Variants in SUPT3H observed in about 807,000 individuals in gnomAD.
The protein encoded by SUPT3H is transcription initiation protein SPT3 homolog.
Under a neutral mutation model 44.3 loss-of-function variants are expected in SUPT3H, and 44 were observed. That is an observed-to-expected ratio of 0.99 (90% CI 0.78 to 1.28). The LOEUF (loss-of-function observed/expected upper bound fraction) is 1.28. Ranked by LOEUF, SUPT3H falls within the 50% of genes most tolerant of loss-of-function variation. The probability of loss-of-function intolerance (pLI) is 0.00; values close to 1 mark genes in which losing one functional copy is unlikely to be tolerated. For missense variants in SUPT3H, 380 were observed against 387.1 expected, an observed-to-expected ratio of 0.98 and a Z score of 0.15; for synonymous variants, 124 against 125.6, an observed-to-expected ratio of 0.99 and a Z score of 0.09.
chr6:45,283,071 A>ATCTT (rs1410678182), intron 2 of SUPT3H, among the ~76,000 whole-genome samples: 1 of 152,200 alleles, frequency 6.6e-6, no homozygotes, highest in African/African-American at 2.4e-5. Flanking sequence ...GCCCTAAAAG[A>ATCTT]GCTCCTGAAG....
At chr6:45,283,592 C>G (rs1346628792) in intron 2 of SUPT3H, among the ~76,000 whole-genome samples, 1 of 152,038 alleles carries the variant, frequency 6.6e-6, no homozygotes, top group African/African-American at 2.4e-5. Context: ...AAAGCAAGTC[C>G]TCAGAGACCT....
chr6:45,152,422 G>A (rs945931083), intron 2 of SUPT3H, among the ~76,000 whole-genome samples: 5 of 152,078 alleles, frequency 3.3e-5, no homozygotes, highest in Admixed American at 6.6e-5. Flanking sequence ...TCTAGTAGAC[G>A]TCTATCTGGT....
intron 2 of SUPT3H, among the ~76,000 whole-genome samples, chr6:45,352,595 C>A (rs889330174): frequency 6.6e-6 from 1 of 152,054 alleles, no homozygotes; most frequent in Non-Finnish European, 1.5e-5. Flanking sequence ...GAACAAAGTA[C>A]ATTTTATGCT....
intron 10 of SUPT3H, among the ~76,000 whole-genome samples, chr6:44,909,124 GGTGT>G (rs747035626): frequency 8.5e-6 from 1 of 117,054 alleles, no homozygotes; most frequent in Non-Finnish European, 1.8e-5. Context: ...ATACCTAAGA[GGTGT>G]GTGTGTGTGT....
chr6:45,122,358 A>G (rs1801802728), intron 2 of SUPT3H, among the ~76,000 whole-genome samples: 1 of 152,166 alleles, frequency 6.6e-6, no homozygotes, highest in Non-Finnish European at 1.5e-5. Context: ...AATCACACAT[A>G]CTTTATATAG....
chr6:45,279,792 T>C (rs1339198265), intron 2 of SUPT3H, among the ~76,000 whole-genome samples: 2 of 152,218 alleles, frequency 1.3e-5, no homozygotes, highest in Admixed American at 6.5e-5. Context: ...AAAGCTATCA[T>C]ATTGATAGAG....
At chr6:45,153,238 T>G (rs2153597383) in intron 2 of SUPT3H, among the ~76,000 whole-genome samples, 1 of 152,352 alleles carries the variant, frequency 6.6e-6, no homozygotes, top group African/African-American at 2.4e-5. Flanking sequence ...TGTCTACTTC[T>G]GCCATTAGAA....
chr6:44,944,649 C>T (rs1460489552), intron 9 of SUPT3H, among the ~76,000 whole-genome samples: 1 of 147,490 alleles, frequency 6.8e-6, no homozygotes, highest in Non-Finnish European at 1.5e-5. Context: ...GTAGTCCCAG[C>T]TACTCAGGAA....
intron 11 of SUPT3H, among the ~76,000 whole-genome samples, chr6:44,812,365 C>T (rs1766591482): frequency 6.6e-6 from 1 of 152,166 alleles, no homozygotes; most frequent in South Asian, 2.1e-4. Flanking sequence ...CATCATATTC[C>T]TTGGCTCGTG....
At position 45,222,070 on chromosome 6, in the gene SUPT3H, T is replaced by G. The variant is rs559890311; in HGVS notation, c.102-116064A>C. ...CAAATAGTGATGGAGCATTTGGACA[T>G]TCATAGGCAAAAAAATAAACTTCCA... On this transcript the variant is annotated intron_variant, in intron 2 of 10. Coordinates refer to ENST00000371459, the MANE Select transcript of SUPT3H (RefSeq NM_003599.4). 6.6e-5 allele frequency among the ~76,000 whole-genome samples: 10 copies of G among 152,074 alleles called. No homozygotes were observed. The East Asian group carries it at 1.7e-3, about 26-fold the overall frequency.
intron 10 of SUPT3H, among the ~76,000 whole-genome samples, chr6:44,920,885 T>C (rs1768601983): frequency 6.6e-6 from 1 of 152,182 alleles, no homozygotes. Flanking sequence ...CTCTGTGTGC[T>C]TGTATTGTCT....
At position 45,110,402 on chromosome 6, in the gene SUPT3H, T is replaced by C. The variant is rs542726394; in HGVS notation, c.102-4396A>G. On this transcript the variant is annotated intron_variant, in intron 2 of 10. Transcript: ENST00000371459. ...TGTTTTAAAAAGACAGCAGAATTTA[T>C]GACTAACACTTTTAACATTTTTGCG... 3.3e-5 allele frequency among the ~76,000 whole-genome samples: 5 copies of C among 152,348 alleles called. No homozygotes were observed. In the South Asian group the frequency reaches 8.3e-4, roughly 25 times the overall value.
At chr6:45,332,814 C>A (rs1409529341) in intron 2 of SUPT3H, among the ~76,000 whole-genome samples, 2 of 151,788 alleles carry the variant, frequency 1.3e-5, no homozygotes, top group South Asian at 2.1e-4. Context: ...ACTATTTTTT[C>A]TAGTCACTCA....
At chr6:44,851,757 G>A in intron 10 of SUPT3H, among the ~76,000 whole-genome samples, 1 of 152,126 alleles carries the variant, frequency 6.6e-6, no homozygotes, top group East Asian at 1.9e-4. Context: ...TGAAATACTA[G>A]AGTGCCTTTT....
intron 10 of SUPT3H, among the ~76,000 whole-genome samples, chr6:44,870,977 C>A (rs976364590): frequency 1.9e-3 from 291 of 151,600 alleles, no homozygotes; most frequent in Non-Finnish European, 3.1e-3. Flanking sequence ...CTATATCCCA[C>A]ACCTGGCTCA....
intron 2 of SUPT3H, among the ~76,000 whole-genome samples, chr6:45,306,954 G>A (rs774797796): frequency 3.3e-5 from 5 of 152,194 alleles, no homozygotes; most frequent in Admixed American, 1.3e-4. Context: ...CTTAGCAAAC[G>A]GCACACAGGA....
intron 3 of SUPT3H, among the ~76,000 whole-genome samples, chr6:45,060,238 A>G (rs1453881882): frequency 6.6e-6 from 1 of 152,172 alleles, no homozygotes; most frequent in East Asian, 1.9e-4. Flanking sequence ...AGGTACTGGC[A>G]CAAAAACAGA....
At chr6:45,020,783 T>C in intron 3 of SUPT3H, 151 bp from the exon 4 acceptor site, 1 of 501,672 alleles carries the variant, frequency 2.0e-6, no homozygotes. Context: ...GAGTAAAATG[T>C]CTTATGTTTT....
chr6:45,269,203 T>C (rs1458880966), intron 2 of SUPT3H, among the ~76,000 whole-genome samples: 2 of 152,180 alleles, frequency 1.3e-5, no homozygotes, highest in East Asian at 1.9e-4. Context: ...ATGAACTAAA[T>C]TTGGGAAACC....
Sources: allele counts gnomAD v4.1 joint callset (sites outside exome capture counted in the v4.1 genomes callset), GRCh38; gene constraint gnomAD v4.1.1; transcripts MANE v1.5; gene names NCBI Gene and HGNC (gene_info 2026-07-23, HGNC 2026-07-21).